ZBED4: variants seen among roughly 807,000 people sequenced by gnomAD.
ZBED4 encodes zinc finger BED domain-containing protein 4.
A neutral mutation model predicts 15.5 loss-of-function variants in ZBED4; 4 were observed. The observed-to-expected ratio is 0.26, with a 90% CI of 0.13 to 0.59. The LOEUF (loss-of-function observed/expected upper bound fraction) is 0.59. Ranked by LOEUF, ZBED4 falls within the 20% of genes least tolerant of loss-of-function variation. ZBED4 has a pLI of 0.90. For missense variants in ZBED4, 1,323 were observed against 1,461.8 expected (o/e 0.91, Z 1.55); for synonymous variants, 692 against 608.5 (o/e 1.14, Z -2.02).
chr22:49,858,694 C>CA (rs2060285029), intron 1 of ZBED4, among the ~76,000 whole-genome samples: 1 of 152,216 alleles, frequency 6.6e-6, no homozygotes, highest in African/African-American at 2.4e-5. Flanking sequence ...TGTCTAATGA[C>CA]AGTCGCGTCA....
rs1319004571 is a variant in ZBED4, at chr22:49,871,757, A to ATTTAT, written c.-329-11574_-329-11573insATTTT. On this transcript the variant is annotated intron_variant, in intron 1 of 1. Coordinates refer to ENST00000216268, the MANE Select transcript of ZBED4 (RefSeq NM_014838.3). ...GCTGTGACAATTTATTTATTTATTT[A>ATTTAT]TTTTTTTTTTTTTTTGAGACAGAGT... Among the ~76,000 whole-genome samples the ATTTAT allele has an allele frequency of 1.6e-4, 10 of 62,172 alleles. No homozygotes were observed. In the South Asian group the frequency reaches 3.1e-3, roughly 19 times the overall value. The allele number at this position is 62,172 out of a possible 152,430, so 40.8% of individuals were successfully genotyped here.
intron 1 of ZBED4, among the ~76,000 whole-genome samples, chr22:49,873,983 C>T (rs1347558129): frequency 1.3e-5 from 2 of 152,220 alleles, no homozygotes; most frequent in African/African-American, 4.8e-5. Context: ...TGGCCCGTGC[C>T]GAGAACAAGA....
At chr22:49,868,232 T>C (rs1412219129) in intron 1 of ZBED4, among the ~76,000 whole-genome samples, 2 of 152,202 alleles carry the variant, frequency 1.3e-5, no homozygotes, top group Non-Finnish European at 2.9e-5. Flanking sequence ...TTTCCTTTTA[T>C]TGAGAGATTT....
chr22:49,858,864 G>A (rs889136925), intron 1 of ZBED4, among the ~76,000 whole-genome samples: 2 of 152,120 alleles, frequency 1.3e-5, no homozygotes, highest in Non-Finnish European at 2.9e-5. Context: ...TTTGCGTTCC[G>A]GTGCCCCCGG....
rs779288125 is a variant in ZBED4, at chr22:49,886,143, C to T, written c.2481C>T (p.Cys827=). The T allele has an allele frequency of 8.7e-6, 6 of 689,232 alleles. No individual in the cohort carries two copies. Among genetic ancestry groups the T allele is most frequent in the Admixed American group, 6.9e-5 (3 of 43,646 alleles). 42.7% of individuals were successfully genotyped at this position (689,232 alleles called of 1,614,324 possible). A position where few individuals can be genotyped will look rare whatever the true frequency, so the allele number is the denominator to read the frequency against. The stretch of plus-strand genomic sequence containing the variant: ...AGGGGGAGCACTCGAGCGTGCAGTG[C>T]TTCAGCCATACGGTGAACCTGATCG... The part of the protein sequence containing the change: ...LNEGEHSSVQ[C]FSHTVNLIVS... The change falls in exon 2 of 2, where the codon TGC becomes TGT. Residue 827 remains cysteine, a synonymous_variant. Coordinates refer to ENST00000216268, the MANE Select transcript of ZBED4 (RefSeq NM_014838.3). This position sits in a 1 kb window ranked among gnomAD's most constrained non-coding sequence, Gnocchi z 7.7.
rs760426064 is a variant in ZBED4 at position 49,883,743 on chromosome 22, AGAT to A, written c.89_91del (p.Asp30del). On this transcript the variant is annotated inframe_deletion, in exon 2 of 2. Transcript: ENST00000216268. ...AAATAAAGTTTAAAATAGAAGAGGA[AGAT>A]GATGATGGAATTCCTCCTGATAGTT... 3.1e-6 allele frequency: 5 copies of A among 1,612,500 alleles called. No individual in the cohort carries two copies. Among genetic ancestry groups the A allele is most frequent in the Admixed American group, 3.3e-5 (2 of 59,828 alleles).
chr22:49,877,217 T>C (rs1325065723), intron 1 of ZBED4, among the ~76,000 whole-genome samples: 2 of 148,520 alleles, frequency 1.3e-5, no homozygotes, highest in Non-Finnish European at 3.0e-5. Context: ...TGCTTTTTTA[T>C]TCATTCTGAC....
rs530191361 is a variant in ZBED4, at chr22:49,885,272, A to G, written c.1610A>G (p.Lys537Arg). The G allele has an allele frequency of 1.3e-6, 2 of 1,596,814 alleles. No individual in the cohort carries two copies. Among genetic ancestry groups the G allele is most frequent in the South Asian group, 1.1e-5 (1 of 89,834 alleles). Residue 537 changes from lysine to arginine, a missense_variant, in exon 2 of 2, where the codon AAA becomes AGA. Around this residue, in one of 6 missense-constraint regions of ZBED4, gnomAD observed 429 missense variants for 397.9 expected, o/e 1.08. Transcript: ENST00000216268. ...TLASAESSSSKLTDLPTVVTK... is the reference protein window; with the variant it reads ...TLASAESSSSRLTDLPTVVTK... The stretch of plus-strand genomic sequence containing the variant: ...GCCTCTGCAGAAAGTTCCTCTTCCA[A>G]ATTGACTGACTTGCCAACAGTGGTC...
At position 49,885,393 on chromosome 22, in the gene ZBED4, C is replaced by T. The variant is rs747328403; in HGVS notation, c.1731C>T (p.Val577=). Residue 577 remains valine (V), a synonymous_variant, in exon 2 of 2, where the codon GTC becomes GTT. Coordinates refer to ENST00000216268, the MANE Select transcript of ZBED4 (RefSeq NM_014838.3). ...FSICSADSTK[V]VCLHCGRTIS... is the part of the protein sequence containing the mutation. ...TTTGCTCCGCAGACTCCACAAAAGTCGTGTGCTTGCACTGTGGCCGGACCA... is the reference window on the plus strand; with the variant it reads ...TTTGCTCCGCAGACTCCACAAAAGTTGTGTGCTTGCACTGTGGCCGGACCA... 10 of 1,597,804 alleles carry T rather than the reference C, an allele frequency of 6.3e-6. No homozygotes were observed. The highest frequency in any genetic ancestry group is 4.5e-5 in the East Asian group (2 of 44,488).
At chr22:49,878,455 A>G (rs2060389804) in intron 1 of ZBED4, among the ~76,000 whole-genome samples, 1 of 152,248 alleles carries the variant, frequency 6.6e-6, no homozygotes, top group Non-Finnish European at 1.5e-5. Context: ...AGATCCACAC[A>G]TATGCGAGCA....
chr22:49,869,312 C>T lies in ZBED4; in HGVS notation c.-329-14022C>T, dbSNP rs576335078. On this transcript the variant is annotated intron_variant, in intron 1 of 1. Transcript: ENST00000216268. ...GGAAGGGCCTAAAGGCAGAGGCACC[C>T]GTAACAGTGAGTGCACGGCTGCCTA... Among the ~76,000 whole-genome samples, 36 of 152,210 alleles carry T rather than the reference C, an allele frequency of 2.4e-4. 1 individual carries two copies. In the South Asian group the frequency reaches 5.8e-3, roughly 25 times the overall value.
At chr22:49,868,273 G>C (rs2060330843) in intron 1 of ZBED4, among the ~76,000 whole-genome samples, 1 of 152,222 alleles carries the variant, frequency 6.6e-6, no homozygotes, top group Admixed American at 6.5e-5. Flanking sequence ...TATAGGCAGT[G>C]TTACAAGCAA....
rs2060300939 is a variant in ZBED4, at chr22:49,862,339, G to A, written c.-330+8350G>A. 2.0e-5 allele frequency among the ~76,000 whole-genome samples: 3 copies of A among 152,210 alleles called. No individual in the cohort carries two copies. In the South Asian group the frequency reaches 6.2e-4, roughly 32 times the overall value. ...GCTGAGACTGGAATTGATCTCCTGT[G>A]CTCAAGTCTCTCACCGTGGCCTGCA... is the stretch of plus-strand genomic sequence containing the variant. On this transcript the variant is annotated intron_variant, in intron 1 of 1. Coordinates refer to ENST00000216268, the MANE Select transcript of ZBED4 (RefSeq NM_014838.3).
chr22:49,886,587 G>T lies in ZBED4; in HGVS notation c.2925G>T (p.Thr975=), dbSNP rs372669796. 1 of 1,556,676 alleles carries T rather than the reference G, an allele frequency of 6.4e-7. No homozygotes were observed. Reference sequence around the variant, plus strand: ...AGGTGGAGATGCTCTTCGAGGAGACGATGGGCATCGACACCATGCTGCGCT... The same window carrying T: ...AGGTGGAGATGCTCTTCGAGGAGACTATGGGCATCGACACCATGCTGCGCT... ...NRKVEMLFEE[T]MGIDTMLRSL... Residue 975 remains threonine (T), a synonymous_variant, in exon 2 of 2, where the codon ACG becomes ACT. Transcript: ENST00000216268. The surrounding 1 kb of genome is among the most constrained non-coding windows in gnomAD (Gnocchi z 7.7).
intron 1 of ZBED4, among the ~76,000 whole-genome samples, chr22:49,881,376 C>A (rs963571140): frequency 2.6e-5 from 4 of 152,220 alleles, no homozygotes; most frequent in East Asian, 1.9e-4. Context: ...TTTTCTAATT[C>A]ATCTGTAGAA....
intron 1 of ZBED4, among the ~76,000 whole-genome samples, chr22:49,881,205 C>T (rs545904984): frequency 1.3e-5 from 2 of 152,278 alleles, no homozygotes; most frequent in East Asian, 1.9e-4. Context: ...AGGAATTAGC[C>T]GGGTGTCATG....
intron 1 of ZBED4, among the ~76,000 whole-genome samples, chr22:49,882,002 G>A (rs2060412158): frequency 6.6e-6 from 1 of 152,120 alleles, no homozygotes; most frequent in Non-Finnish European, 1.5e-5. Context: ...GATAGGTTTG[G>A]CTTAAGCCTG....
chr22:49,879,535 A>T (rs188300381), intron 1 of ZBED4, among the ~76,000 whole-genome samples: 16,998 of 149,100 alleles, frequency 0.11, 1,351 homozygotes, highest in African/African-American at 0.21. Flanking sequence ...CACTAATTTT[A>T]TTATTTGTCT....
rs1031740512 is a variant in ZBED4, at chr22:49,884,171, T to C, written c.509T>C (p.Ile170Thr). ...HVRRAHPTVL[I>T]QENGSVSAVS... is the part of the protein sequence containing the mutation. ...AGGCGCGCACACCCGACCGTGCTCA[T>C]TCAGGAAAATGGCAGTGTGTCTGCC... Residue 170 changes from isoleucine (I) to threonine (T), a missense_variant, in exon 2 of 2, where the codon ATT becomes ACT. Ile to Thr is a moderately conservative substitution (Grantham distance 89). Coordinates refer to ENST00000216268, the MANE Select transcript of ZBED4 (RefSeq NM_014838.3). 40 of 1,612,306 alleles carry C rather than the reference T, an allele frequency of 2.5e-5. No individual in the cohort carries two copies. Among genetic ancestry groups the C allele is most frequent in the African/African-American group, 5.3e-5 (4 of 74,818 alleles).
Sources: allele counts gnomAD v4.1 joint callset (sites outside exome capture counted in the v4.1 genomes callset), GRCh38; gene constraint gnomAD v4.1.1; regional missense constraint gnomAD v4.1.1; non-coding constraint Gnocchi (gnomAD v3.1); transcripts MANE v1.5; gene names NCBI Gene and HGNC (gene_info 2026-07-23, HGNC 2026-07-21).